The following KDM2B variants were observed in gnomAD, a reference collection of about 807,000 sequenced individuals.
KDM2B encodes the protein lysine demethylase 2B.
A neutral mutation model predicts 150.0 loss-of-function variants in KDM2B; 26 were observed. That is an observed-to-expected ratio of 0.17 (90% CI 0.13 to 0.24). KDM2B has a LOEUF of 0.24. Ranked by LOEUF, KDM2B falls within the 10% of genes least tolerant of loss-of-function variation. The pLI, the probability that KDM2B is intolerant of heterozygous loss-of-function variation, is 1.00. For synonymous variants in KDM2B, 734 were observed against 729.5 expected, an observed-to-expected ratio of 1.01 and a Z score of -0.10; for missense variants, 1,265 against 1,816.9, an observed-to-expected ratio of 0.70 and a Z score of 5.52.
intron 22 of KDM2B, among the ~76,000 whole-genome samples, chr12:121,432,482 C>T (rs1555285809): frequency 1.3e-5 from 2 of 152,180 alleles, no homozygotes. Context: ...TCAAGTGATC[C>T]TCCCCACCCA....
chr12:121,420,614 T>C, the KDM2B span: 1 of 1,614,204 alleles, frequency 6.2e-7, no homozygotes, highest in Non-Finnish European at 8.5e-7. Flanking sequence ...AGAGCTTCAC[T>C]GTCTGACTTG....
intron 11 of KDM2B, among the ~76,000 whole-genome samples, chr12:121,505,015 G>A (rs1190737692): frequency 1.3e-5 from 2 of 151,726 alleles, no homozygotes; most frequent in African/African-American, 4.8e-5. Flanking sequence ...TACTCAGGAG[G>A]CTGAGGCAGG....
intron 11 of KDM2B, among the ~76,000 whole-genome samples, chr12:121,502,488 G>A (rs1173889688): frequency 6.6e-6 from 1 of 151,946 alleles, no homozygotes; most frequent in Admixed American, 6.6e-5. Context: ...GGGCGTGGTG[G>A]CGCATGCCTG....
chr12:121,496,484 C>T (rs1165729231), intron 11 of KDM2B, among the ~76,000 whole-genome samples: 3 of 149,434 alleles, frequency 2.0e-5, no homozygotes, highest in African/African-American at 7.5e-5. Context: ...GTTTACTCTG[C>T]TCATTGTCCT....
At chr12:121,544,431 G>GA (rs1188145021) in intron 6 of KDM2B, among the ~76,000 whole-genome samples, 2 of 152,100 alleles carry the variant, frequency 1.3e-5, no homozygotes, top group Non-Finnish European at 2.9e-5. Context: ...CCAACATGGT[G>GA]AAACCCCGTC....
At chr12:121,475,222 G>A (rs1170642564) in intron 12 of KDM2B, among the ~76,000 whole-genome samples, 1 of 147,952 alleles carries the variant, frequency 6.8e-6, no homozygotes, top group Admixed American at 6.8e-5. Context: ...GTGTGTGTGT[G>A]TGTGTATTTC....
chr12:121,556,107 AG>A (rs1264894264), intron 4 of KDM2B, among the ~76,000 whole-genome samples: 5 of 151,670 alleles, frequency 3.3e-5, no homozygotes, highest in African/African-American at 7.3e-5. Context: ...TTTGTATTTT[AG>A]TAGAGATGGG....
intron 11 of KDM2B, among the ~76,000 whole-genome samples, chr12:121,502,213 A>G (rs1422707007): frequency 1.3e-5 from 2 of 152,204 alleles, no homozygotes; most frequent in African/African-American, 4.8e-5. Flanking sequence ...CACCTCACGG[A>G]GTCCTCATGA....
intron 4 of KDM2B, 50 bp downstream of exon 4, chr12:121,574,497 C>T (rs1404214371): frequency 3.2e-6 from 5 of 1,587,294 alleles, no homozygotes; most frequent in Non-Finnish European, 4.3e-6. Flanking sequence ...CGCCTCTTTC[C>T]CCTTCCCTAC....
intron 12 of KDM2B, among the ~76,000 whole-genome samples, chr12:121,454,062 C>T (rs557155894): frequency 1.3e-5 from 2 of 151,576 alleles, no homozygotes; most frequent in African/African-American, 4.9e-5. Flanking sequence ...CCACTCATTC[C>T]GTCTGGTCAG....
In KDM2B at chr12:121,449,202, G is replaced by C. The variant is rs201326137; in HGVS notation, c.1960-3784C>G. The stretch of plus-strand genomic sequence containing the variant: ...CTGGCAGGGGGCTTGGGGCGCATGT[G>C]GGGGGGCAGACTGCAGGACACCAGC... On this transcript the variant is annotated intron_variant, in intron 13 of 22. Transcript: ENST00000377071. Among the ~76,000 whole-genome samples, 14 of 150,644 alleles carry C rather than the reference G, an allele frequency of 9.3e-5. No individual in the cohort carries two copies. In the East Asian group the frequency reaches 9.7e-4, roughly 10 times the overall value.
chr12:121,421,487 C>G, the KDM2B span, among the ~76,000 whole-genome samples: 1 of 151,138 alleles, frequency 6.6e-6, no homozygotes, highest in South Asian at 2.1e-4. Context: ...TGCAGGGAGC[C>G]GTGGTCATGC....
intron 13 of KDM2B, among the ~76,000 whole-genome samples, chr12:121,446,218 A>AC (rs1323061306): frequency 2.6e-5 from 4 of 152,142 alleles, no homozygotes; most frequent in Non-Finnish European, 4.4e-5. Context: ...CCACGGTGAA[A>AC]CCCCGTCTCT....
In KDM2B at chr12:121,449,044, C is replaced by T. The variant is rs571743035; in HGVS notation, c.1960-3626G>A. On this transcript the variant is annotated intron_variant, in intron 13 of 22. Transcript: ENST00000377071. Reference sequence around the variant, plus strand: ...GGGACGTCTGGGGACCAGACTGCAGCGGGGGGCACAGGGTGAAGCACGGCC... The same window carrying T: ...GGGACGTCTGGGGACCAGACTGCAGTGGGGGGCACAGGGTGAAGCACGGCC... 7.2e-4 allele frequency among the ~76,000 whole-genome samples: 109 copies of T among 152,090 alleles called. 1 individual carries two copies. Among genetic ancestry groups the T allele is most frequent in the Middle Eastern group, 3.4e-3 (1 of 294 alleles).
intron 11 of KDM2B, among the ~76,000 whole-genome samples, chr12:121,505,281 A>G: frequency 7.1e-6 from 1 of 140,100 alleles, no homozygotes. Context: ...GTGAGATTGC[A>G]TCTCAAAAAA....
At chr12:121,450,918 G>A (rs961796303) in intron 13 of KDM2B, among the ~76,000 whole-genome samples, 12 of 151,572 alleles carry the variant, frequency 7.9e-5, no homozygotes, top group Non-Finnish European at 1.2e-4. Flanking sequence ...AATGTAAAAC[G>A]GGATGGCCGC....
chr12:121,545,220 A>G (rs1281205781), intron 6 of KDM2B, among the ~76,000 whole-genome samples: 8 of 152,126 alleles, frequency 5.3e-5, no homozygotes, highest in African/African-American at 1.9e-4. Context: ...CAGCAAAACA[A>G]ATGGACTATT....
At chr12:121,564,669 GA>G (rs1400753344) in intron 4 of KDM2B, among the ~76,000 whole-genome samples, 16 of 151,968 alleles carry the variant, frequency 1.1e-4, no homozygotes, top group Non-Finnish European at 8.8e-5. Flanking sequence ...TCACTGAATA[GA>G]AAACTCCGTA....
intron 13 of KDM2B, among the ~76,000 whole-genome samples, chr12:121,446,463 C>T (rs1876307589): frequency 6.6e-6 from 1 of 152,174 alleles, no homozygotes; most frequent in Non-Finnish European, 1.5e-5. Context: ...TTTATGAAAA[C>T]CTTACCCTAG....
Sources: allele counts gnomAD v4.1 joint callset (sites outside exome capture counted in the v4.1 genomes callset), GRCh38; gene constraint gnomAD v4.1.1; transcripts MANE v1.5; gene names NCBI Gene and HGNC (gene_info 2026-07-23, HGNC 2026-07-21).